TSC2: variants seen among roughly 807,000 people sequenced by gnomAD.
TSC2 encodes tuberin.
In TSC2, 29 loss-of-function variants were observed where a neutral mutation model predicts 202.2. The ratio of observed to expected loss-of-function variants is 0.14; its 90% CI spans 0.11 to 0.20. TSC2 has a LOEUF of 0.20. Ranked by LOEUF, TSC2 falls within the 10% of genes least tolerant of loss-of-function variation. The probability of loss-of-function intolerance (pLI) is 1.00; values close to 1 mark genes in which losing one functional copy is unlikely to be tolerated. For synonymous variants in TSC2, 1,349 were observed against 1,044.0 expected, an observed-to-expected ratio of 1.29 and a Z score of -5.63; for missense variants, 2,429 against 2,420.0, an observed-to-expected ratio of 1.00 and a Z score of -0.08.
rs2151163315 is a variant in TSC2 at position 2,062,504 on chromosome 16, C to T, written c.1265C>T (p.Ser422Phe). The stretch of plus-strand genomic sequence containing the variant: ...CGGCTCTTCTTTTGACAGGAGTCCT[C>T]CCTCCTGAACCTGATCTCCTATAGA... ...ERCADQRPES[S>F]LLNLISYRAQ... Residue 422 changes from serine to phenylalanine, a missense_variant, in exon 13 of 42, where the codon TCC becomes TTC. By Grantham distance (155) the Ser-to-Phe change is radical. Coordinates refer to ENST00000219476, the MANE Select transcript of TSC2 (RefSeq NM_000548.5). The T allele has an allele frequency of 6.2e-7, 1 of 1,610,008 alleles. No individual in the cohort carries two copies. The highest frequency in any genetic ancestry group is 1.3e-5 in the African/African-American group (1 of 75,026).
Position 2,088,330 on chromosome 16 carries a change from G to T in TSC2, c.5259+5G>T, listed in dbSNP as rs768760778. On this transcript the variant is annotated splice_donor_5th_base_variant and intron_variant, in intron 41 of 41. Coordinates refer to ENST00000219476, the MANE Select transcript of TSC2 (RefSeq NM_000548.5). ...ATCAAGCGGCTCCGCCAGCGGGTAG[G>T]GAATATGGGGCTCCCTCAGCGGGGT... The T allele has an allele frequency of 6.2e-7, 1 of 1,612,610 alleles. No homozygotes were observed. Among genetic ancestry groups the T allele is most frequent in the Non-Finnish European group, 8.5e-7 (1 of 1,180,000 alleles).
intron 38 of TSC2, 85 bp from the exon 39 acceptor site, chr16:2,087,778 G>T: frequency 6.7e-7 from 1 of 1,489,506 alleles, no homozygotes; most frequent in Non-Finnish European, 9.2e-7. Context: ...GCTGACAGGT[G>T]TCTAGCAGTG....
In TSC2 at chr16:2,079,044, G is replaced by A. The variant is rs45517277; in HGVS notation, c.2979G>A (p.Thr993=). The A allele has an allele frequency of 1.4e-3, 2,199 of 1,612,738 alleles. 4 individuals carry two copies. Among genetic ancestry groups the A allele is most frequent in the Non-Finnish European group, 1.7e-3 (2,007 of 1,180,012 alleles). ...CCTCTCCCTCCAGCAGGATACAGAC[G>A]TCCCTCACCAGTGCCAGCTTGGGGT... is the stretch of plus-strand genomic sequence containing the variant. The part of the protein sequence containing the change: ...SEHVVRSRIQ[T]SLTSASLGSA... The change falls in exon 27 of 42, where the codon ACG becomes ACA. Residue 993 remains threonine (T), a synonymous_variant. Coordinates refer to ENST00000219476, the MANE Select transcript of TSC2 (RefSeq NM_000548.5). The surrounding 1 kb of genome is among the most constrained non-coding windows in gnomAD (Gnocchi z 4.6).
intron 41 of TSC2, 26 bp from the exon 42 acceptor site, chr16:2,088,420 A>C: frequency 6.2e-7 from 1 of 1,612,606 alleles, no homozygotes; most frequent in Non-Finnish European, 8.5e-7. Context: ...TCCCAGACTT[A>C]CTGCCCAAGC....
Position 2,072,856 on chromosome 16 carries a change from G to C in TSC2, c.2228G>C (p.Gly743Ala). 2 of 1,613,608 alleles carry C rather than the reference G, an allele frequency of 1.2e-6. No individual in the cohort carries two copies. Among genetic ancestry groups the C allele is most frequent in the Non-Finnish European group, 1.7e-6 (2 of 1,180,036 alleles). Reference sequence around the variant, plus strand: ...CCTGGATTTGGTCATCAGCTTTCAGGCCCAAAGACACTGGAGCGGCTCCGA... The same window carrying C: ...CCTGGATTTGGTCATCAGCTTTCAGCCCCAAAGACACTGGAGCGGCTCCGA... The part of the protein sequence containing the change: ...LCSALCSMLS[G>A]PKTLERLRGA... The change falls in exon 21 of 42, where the codon GGC becomes GCC. Residue 743 changes from glycine (G) to alanine (A), a missense_variant. Coordinates refer to ENST00000219476, the MANE Select transcript of TSC2 (RefSeq NM_000548.5).
rs1478821497 is a variant in TSC2, at chr16:2,064,412, G to A, written c.1584G>A (p.Leu528=). 4.3e-6 allele frequency: 7 copies of A among 1,613,510 alleles called. No individual in the cohort carries two copies. The highest frequency in any genetic ancestry group is 1.7e-4 in the Middle Eastern group (1 of 6,044). The change falls in exon 15 of 42, where the codon CTG becomes CTA. Residue 528 remains leucine (L), a synonymous_variant. Coordinates refer to ENST00000219476, the MANE Select transcript of TSC2 (RefSeq NM_000548.5). The part of the protein sequence containing the change: ...GCHTHHFNSL[L]DIIEKVMARS... ...ACACACACCACTTCAACAGCCTGCT[G>A]GACATCATCGAGAAGGTGAGAGCCG...
intron 25 of TSC2, 114 bp from the exon 26 acceptor site, chr16:2,077,484 T>G (rs2089554947): frequency 6.6e-7 from 1 of 1,522,374 alleles, no homozygotes; most frequent in African/African-American, 1.4e-5. Flanking sequence ...GCGGGATCTC[T>G]CCATCCTGAC....
intron 5 of TSC2, 149 bp from the exon 6 acceptor site, chr16:2,055,253 A>G: frequency 1.4e-6 from 1 of 739,340 alleles, no homozygotes; most frequent in South Asian, 1.4e-5. Flanking sequence ...CTTCGGGCCC[A>G]GTGCGTGGTC....
intron 24 of TSC2, 100 bp downstream of exon 24, chr16:2,076,270 C>T (rs2089350317): frequency 1.3e-6 from 2 of 1,578,678 alleles, no homozygotes; most frequent in Non-Finnish European, 1.7e-6. Flanking sequence ...AGGTGGAGGG[C>T]AGTGGGAGGG....
In TSC2 at chr16:2,074,335, A is replaced by G. The variant is rs2151353949; in HGVS notation, c.2491A>G (p.Thr831Ala). ...KALPVLVVKL[T>A]HISATASMAV... ...GCTGCCTGTTCTGGTGGTGAAGCTC[A>G]CGCACATCTCAGCCACAGCCAGCAT... Residue 831 changes from threonine to alanine, a missense_variant, in exon 22 of 42, where the codon ACG (threonine) becomes GCG (alanine). By Grantham distance (58) the Thr-to-Ala change is moderately conservative. Coordinates refer to ENST00000219476, the MANE Select transcript of TSC2 (RefSeq NM_000548.5). 1 of 1,612,798 alleles carries G rather than the reference A, an allele frequency of 6.2e-7. No homozygotes were observed. The highest frequency in any genetic ancestry group is 8.5e-7 in the Non-Finnish European group (1 of 1,180,028).
intron 10 of TSC2, among the ~76,000 whole-genome samples, chr16:2,060,209 C>G (rs561434182): frequency 2.0e-5 from 3 of 152,364 alleles, no homozygotes; most frequent in South Asian, 2.1e-4. Context: ...GTGCTCACAG[C>G]TCCCTGGAGG....
intron 10 of TSC2, among the ~76,000 whole-genome samples, chr16:2,059,659 A>G (rs1339584497): frequency 6.6e-6 from 1 of 152,032 alleles, no homozygotes; most frequent in South Asian, 2.1e-4. Context: ...AGCTGGGATT[A>G]TAGGCATGGG....
In TSC2 at chr16:2,055,398, C is replaced by G. The variant is rs780938957; in HGVS notation, c.482-4C>G. The G allele has an allele frequency of 1.9e-6, 3 of 1,613,816 alleles. No homozygotes were observed. The highest frequency in any genetic ancestry group is 2.5e-6 in the Non-Finnish European group (3 of 1,179,736). On this transcript the variant is annotated splice_polypyrimidine_tract_variant and splice_region_variant and intron_variant, in intron 5 of 41. Transcript: ENST00000219476. ...CTCGCAAACTGCCGCCGCTTCTCCC[C>G]CAGCTGACTTTGTCCTGCAGTGGAT... is the stretch of plus-strand genomic sequence containing the variant.
intron 11 of TSC2, 27 bp from the exon 12 acceptor site, chr16:2,061,844 C>T (rs925165425): frequency 6.2e-7 from 1 of 1,613,988 alleles, no homozygotes; most frequent in South Asian, 1.1e-5. Flanking sequence ...TGGAAGTCAG[C>T]CTGTGTCATC....
In TSC2 at chr16:2,054,662, T is replaced by C. The variant is rs984907072; in HGVS notation, c.481+222T>C. 3 of 633,324 alleles carry C rather than the reference T, an allele frequency of 4.7e-6. No homozygotes were observed. In the South Asian group the frequency reaches 5.5e-5, roughly 12 times the overall value. 39.2% of individuals were successfully genotyped at this position (633,324 alleles called of 1,614,324 possible). ...TGGCCTTCACCCCAGACCTGCTGAC[T>C]GTGAGTCTCTGGGGCTTGGGGCCTC... On this transcript the variant is annotated intron_variant, in intron 5 of 41. Coordinates refer to ENST00000219476, the MANE Select transcript of TSC2 (RefSeq NM_000548.5).
chr16:2,074,293 G>A lies in TSC2; in HGVS notation c.2449G>A (p.Asp817Asn), dbSNP rs2151351717. ...ALSICSVEMPDIIIKALPVLV... is the reference protein window; with the variant it reads ...ALSICSVEMPNIIIKALPVLV... ...GTCCATCTGCAGCGTGGAGATGCCT[G>A]ACATCATCATCAAGGCGCTGCCTGT... The change falls in exon 22 of 42, where the codon GAC becomes AAC. Residue 817 changes from aspartate (D) to asparagine (N), a missense_variant. Coordinates refer to ENST00000219476, the MANE Select transcript of TSC2 (RefSeq NM_000548.5). The A allele has an allele frequency of 3.7e-6, 6 of 1,613,176 alleles. No individual in the cohort carries two copies. In the South Asian group the frequency reaches 5.5e-5, roughly 15 times the overall value.
Position 2,058,861 on chromosome 16 carries a change from A to G in TSC2, c.963A>G (p.Pro321=). ...GGAACTCGCCGACATCTGTGTTGCC[A>G]TCATTTTACCAGGTAAGGCGGTTTC... ...SLRNSPTSVL[P]SFYQAMACPN... The change falls in exon 10 of 42, where the codon CCA becomes CCG. Residue 321 remains proline (P), a synonymous_variant. Coordinates refer to ENST00000219476, the MANE Select transcript of TSC2 (RefSeq NM_000548.5). 2 of 1,608,562 alleles carry G rather than the reference A, an allele frequency of 1.2e-6. No individual in the cohort carries two copies.
chr16:2,070,372 G>C, intron 16 of TSC2, 84 bp from the exon 17 acceptor site: 7 of 1,611,424 alleles, frequency 4.3e-6, no homozygotes, highest in Non-Finnish European at 5.9e-6. Flanking sequence ...CAGCCGCCCC[G>C]GCCCCTGCTC....
At position 2,054,843 on chromosome 16, in the gene TSC2, T is replaced by A. The variant is rs2085567644; in HGVS notation, c.481+403T>A. 8.5e-6 allele frequency: 3 copies of A among 353,244 alleles called. No homozygotes were observed. The Admixed American group carries it at 1.3e-4, about 15-fold the overall frequency. 21.9% of individuals were successfully genotyped at this position (353,244 alleles called of 1,614,324 possible). A position where few individuals can be genotyped will look rare whatever the true frequency, so the allele number is the denominator to read the frequency against. On this transcript the variant is annotated intron_variant, in intron 5 of 41. Transcript: ENST00000219476. ...GCCATCCTGTGGTGGGAGGTTTCCA[T>A]TAGTCTTGGGTCTCTGTGTCATGAT...
Sources: gnomAD v4.1 joint callset for allele counts (sites outside exome capture counted in the v4.1 genomes callset) on GRCh38, gnomAD v4.1.1 for gene constraint, Gnocchi (gnomAD v3.1) non-coding constraint, MANE v1.5 for transcripts, NCBI Gene and HGNC (gene_info 2026-07-23, HGNC 2026-07-21) for gene names.